Variants in CASP9 observed in about 807,000 individuals in gnomAD.
CASP9 encodes caspase 9.
Under a neutral mutation model 43.5 loss-of-function variants are expected in CASP9, and 29 were observed. The observed-to-expected ratio is 0.67, with a 90% confidence interval of 0.50 to 0.91. The LOEUF (loss-of-function observed/expected upper bound fraction) is 0.91, where lower values mean the gene tolerates loss of function less well. Ranked by LOEUF, CASP9 falls within the 40% of genes least tolerant of loss-of-function variation. The pLI, the probability that CASP9 is intolerant of heterozygous loss-of-function variation, is 0.00. For synonymous variants in CASP9, 206 were observed against 211.9 expected, an observed-to-expected ratio of 0.97 and a Z score of 0.24; for missense variants, 575 against 537.4, an observed-to-expected ratio of 1.07 and a Z score of -0.69.
chr1:15,507,134 C>G (rs1297445914), intron 3 of CASP9, 59 bp from the exon 4 acceptor site: 3 of 1,604,248 alleles, frequency 1.9e-6, no homozygotes, highest in African/African-American at 2.7e-5. Flanking sequence ...AGAGGACAGT[C>G]TGGAGAGGCG....
At chr1:15,514,159 G>A (rs1425068669) in intron 2 of CASP9, among the ~76,000 whole-genome samples, 2 of 152,024 alleles carry the variant, frequency 1.3e-5, no homozygotes, top group Non-Finnish European at 2.9e-5. Flanking sequence ...TTGGGTTTTG[G>A]CAGCATCTCT....
At chr1:15,519,021 C>T (rs1476829753) in intron 1 of CASP9, among the ~76,000 whole-genome samples, 1 of 151,326 alleles carries the variant, frequency 6.6e-6, no homozygotes, top group Non-Finnish European at 1.5e-5. Flanking sequence ...GTTACAGGCA[C>T]ACACCACCAT....
intron 1 of CASP9, among the ~76,000 whole-genome samples, chr1:15,518,901 G>A (rs1710068682): frequency 2.0e-5 from 3 of 151,478 alleles, no homozygotes; most frequent in Non-Finnish European, 4.4e-5. Flanking sequence ...TTGAGACGGA[G>A]TCTCACTCTG....
intron 6 of CASP9, among the ~76,000 whole-genome samples, chr1:15,501,315 T>C (rs1709320187): frequency 6.6e-6 from 1 of 152,226 alleles, no homozygotes; most frequent in Non-Finnish European, 1.5e-5. Flanking sequence ...GCCCTGGTGC[T>C]GTTACCTCCT....
chr1:15,510,311 A>G (rs1224284945), intron 2 of CASP9, among the ~76,000 whole-genome samples: 1 of 152,230 alleles, frequency 6.6e-6, no homozygotes, highest in Non-Finnish European at 1.5e-5. Flanking sequence ...TTCCAATAAC[A>G]GTGCCATTCC....
chr1:15,515,274 C>G (rs1225722662), intron 2 of CASP9, among the ~76,000 whole-genome samples: 1 of 152,224 alleles, frequency 6.6e-6, no homozygotes, highest in Non-Finnish European at 1.5e-5. Flanking sequence ...ATTCCAGAAC[C>G]AGTCTTCTTC....
intron 3 of CASP9, 40 bp from the exon 4 acceptor site, chr1:15,507,115 A>G (rs778008884): frequency 6.2e-7 from 1 of 1,611,776 alleles, no homozygotes; most frequent in East Asian, 2.2e-5. Context: ...GGCTCTCCCC[A>G]CGCTCCCTAG....
chr1:15,509,962 G>A (rs1199904633), intron 2 of CASP9, among the ~76,000 whole-genome samples: 3 of 151,954 alleles, frequency 2.0e-5, no homozygotes, highest in Non-Finnish European at 4.4e-5. Flanking sequence ...ACAGAGTCTC[G>A]CTCTGTCACC....
chr1:15,516,481 TA>T (rs61079693), intron 2 of CASP9, among the ~76,000 whole-genome samples: 70 of 148,486 alleles, frequency 4.7e-4, no homozygotes, highest in African/African-American at 4.9e-4. Context: ...TTGCCTCAAT[TA>T]AAAAAAAAAA....
Position 15,512,804 on chromosome 1 carries a change from G to T in CASP9, c.419-4897C>A, listed in dbSNP as rs75384868. 6.1e-3 allele frequency among the ~76,000 whole-genome samples: 924 copies of T among 152,288 alleles called. 10 individuals carry two copies. Among genetic ancestry groups the T allele is most frequent in the Middle Eastern group, 0.041 (12 of 294 alleles). On this transcript the variant is annotated intron_variant, in intron 2 of 8. Transcript: ENST00000333868. The stretch of plus-strand genomic sequence containing the variant: ...TTGTCCACTGTGACACAGCTGCTAA[G>T]TGTTGGAGTTGGGCTTTGAACCAAG...
chr1:15,505,549 C>G (rs1709484943), intron 5 of CASP9, among the ~76,000 whole-genome samples: 1 of 152,206 alleles, frequency 6.6e-6, no homozygotes, highest in South Asian at 2.1e-4. Flanking sequence ...AACTGAGGCC[C>G]AGTAAGGGGT....
chr1:15,521,618 T>C (rs927873542), intron 1 of CASP9, among the ~76,000 whole-genome samples: 5 of 152,234 alleles, frequency 3.3e-5, no homozygotes, highest in Non-Finnish European at 7.3e-5. Flanking sequence ...CCCTGTCCTA[T>C]GATCACGTGA....
chr1:15,521,156 C>CAAA (rs34870949), intron 1 of CASP9, among the ~76,000 whole-genome samples: 3 of 81,224 alleles, frequency 3.7e-5, no homozygotes, highest in African/African-American at 5.0e-5. Flanking sequence ...GACTCCGTCT[C>CAAA]AAAAAAAAAA....
At chr1:15,505,050 G>A (rs1048527702) in intron 5 of CASP9, among the ~76,000 whole-genome samples, 2 of 152,150 alleles carry the variant, frequency 1.3e-5, no homozygotes. Flanking sequence ...CTGCAGCAGC[G>A]GCATCAATAT....
At chr1:15,506,874 C>G in intron 4 of CASP9, 25 bp downstream of exon 4, 2 of 1,520,696 alleles carry the variant, frequency 1.3e-6, no homozygotes, top group Non-Finnish European at 1.8e-6. Context: ...CCCACCCTGT[C>G]TCCCTCCACA....
chr1:15,493,106 TG>T, intron 8 of CASP9, 71 bp from the exon 9 acceptor site: 6 of 1,599,604 alleles, frequency 3.8e-6, no homozygotes, highest in Non-Finnish European at 8.5e-7. Context: ...CAAGAGGGGC[TG>T]GGGGGAATGT....
At chr1:15,516,681 C>T (rs929944488) in intron 2 of CASP9, among the ~76,000 whole-genome samples, 2 of 152,090 alleles carry the variant, frequency 1.3e-5, no homozygotes, top group Non-Finnish European at 2.9e-5. Flanking sequence ...TAGCATCTAT[C>T]GGACAGGAAC....
At position 15,495,374 on chromosome 1, in the gene CASP9, G is replaced by A; in HGVS notation, c.947C>T (p.Ala316Val). The change falls in exon 7 of 9, where the codon GCC becomes GTC. Residue 316 changes from alanine to valine, a missense_variant. Ala to Val is a moderately conservative substitution (Grantham distance 64). Coordinates refer to ENST00000333868, the MANE Select transcript of CASP9 (RefSeq NM_001229.5). ...ESPGSNPEPD[A>V]TPFQEGLRTF... is the part of the protein sequence containing the mutation. ...CCTCAAACCTTCCTGGAACGGGGTG[G>A]CATCTGGCTCGGGGTTACTGCCAGG... 1 of 1,609,228 alleles carries A rather than the reference G, an allele frequency of 6.2e-7. No homozygotes were observed. Among genetic ancestry groups the A allele is most frequent in the Non-Finnish European group, 8.5e-7 (1 of 1,178,126 alleles).
intron 2 of CASP9, among the ~76,000 whole-genome samples, chr1:15,510,121 G>A (rs965808780): frequency 6.6e-6 from 1 of 152,060 alleles, no homozygotes; most frequent in Non-Finnish European, 1.5e-5. Context: ...GTAGAGATGG[G>A]GTTTCACCAT....
Sources: allele counts gnomAD v4.1 joint callset (sites outside exome capture counted in the v4.1 genomes callset), GRCh38; gene constraint gnomAD v4.1.1; transcripts MANE v1.5; gene names NCBI Gene and HGNC (gene_info 2026-07-23, HGNC 2026-07-21).